PCNX3: variants seen among roughly 807,000 people sequenced by gnomAD.
The protein encoded by PCNX3 is pecanex-like protein 3.
Under a neutral mutation model 207.2 loss-of-function variants are expected in PCNX3, and 58 were observed. That is an observed-to-expected ratio of 0.28 (90% CI 0.23 to 0.35). PCNX3 has a LOEUF of 0.35. Ranked by LOEUF, PCNX3 falls within the 10% of genes least tolerant of loss-of-function variation. The probability of loss-of-function intolerance (pLI) is 1.00; values close to 1 mark genes in which losing one functional copy is unlikely to be tolerated. For synonymous variants in PCNX3, 1,337 were observed against 1,183.5 expected (o/e 1.13, Z -2.66); for missense variants, 2,410 against 2,774.4 (o/e 0.87, Z 2.95).
intron 29 of PCNX3, 110 bp from the exon 30 acceptor site, chr11:65,634,863 G>A (rs1855763242): frequency 1.4e-6 from 2 of 1,414,246 alleles, no homozygotes; most frequent in African/African-American, 1.4e-5. Context: ...TGTCAAGATG[G>A]GGAAACTGAG....
chr11:65,616,727 T>C, intron 1 of PCNX3, 97 bp from the exon 2 acceptor site: 1 of 1,373,252 alleles, frequency 7.3e-7, no homozygotes, highest in Non-Finnish European at 1.0e-6. Flanking sequence ...TGAAATTTTC[T>C]TGTGAGTCTG....
intron 22 of PCNX3, 142 bp from the exon 23 acceptor site, chr11:65,628,453 C>T: frequency 1.3e-6 from 1 of 741,622 alleles, no homozygotes; most frequent in Non-Finnish European, 2.2e-6. Context: ...GTCCAGAGCA[C>T]AAGGGCTGGC....
intron 1 of PCNX3, 49 bp from the exon 2 acceptor site, chr11:65,616,775 G>A (rs776301825): frequency 1.9e-6 from 3 of 1,574,136 alleles, no homozygotes; most frequent in African/African-American, 1.3e-5. Context: ...GGTACATCCT[G>A]TGGGGGCGAG....
chr11:65,637,371 TC>T lies in PCNX3; in HGVS notation c.*394del, dbSNP rs1486979904. 3.8e-5 allele frequency: 7 copies of T among 186,038 alleles called. No homozygotes were observed. The highest frequency in any genetic ancestry group is 1.0e-4 in the African/African-American group (4 of 38,934). The allele number at this position is 186,038 out of a possible 1,614,324, so 11.5% of individuals were successfully genotyped here. On this transcript the variant is annotated 3_prime_UTR_variant, in exon 35 of 35. Transcript: ENST00000355703. ...GGTGGTTTCTTTCTTTCCTTTTTTTTCTTTTCTTTTTTTTTTTTTTTTTTGT... is the reference window on the plus strand; with the variant it reads ...GGTGGTTTCTTTCTTTCCTTTTTTTTTTTTCTTTTTTTTTTTTTTTTTTGT...
Position 65,636,645 on chromosome 11 carries a change from G to A in PCNX3, c.5848G>A (p.Glu1950Lys). The change falls in exon 34 of 35, where the codon GAG (glutamate) becomes AAG (lysine). Residue 1950 changes from glutamate to lysine, a missense_variant. Physicochemically the swap from Glu to Lys is moderately conservative, Grantham distance 56 (BLOSUM62 1). This residue lies in a region of PCNX3 where 278 missense variants were observed against 245.1 expected (regional missense o/e 1.13). Transcript: ENST00000355703. ...GAAGGGGCTGGGAGGATCTGACGGG[G>A]AGCCAGCCTCAGGGAGCCCCAAAGG... is the stretch of plus-strand genomic sequence containing the variant. ...GRKGLGGSDGEPASGSPKGGT... is the reference protein window; with the variant it reads ...GRKGLGGSDGKPASGSPKGGT... The A allele has an allele frequency of 6.3e-7, 1 of 1,585,804 alleles. No homozygotes were observed. Among genetic ancestry groups the A allele is most frequent in the Non-Finnish European group, 8.6e-7 (1 of 1,168,566 alleles).
At position 65,625,222 on chromosome 11, in the gene PCNX3, C is replaced by G. The variant is rs375774400; in HGVS notation, c.2971C>G (p.Leu991Val). ...VPVLFSVFCG[L>V]LVALSYHLSR... The stretch of plus-strand genomic sequence containing the variant: ...TGTCCTCTTCTCAGTCTTCTGTGGC[C>G]TCCTGGTGGCACTGTCCTACCACCT... Residue 991 changes from leucine (L) to valine (V), a missense_variant, in exon 17 of 35, where the codon CTC becomes GTC. Leu to Val is a conservative substitution (Grantham distance 32). Around this residue, in one of 8 missense-constraint regions of PCNX3, gnomAD observed 333 missense variants for 386.8 expected, o/e 0.86. Coordinates refer to ENST00000355703, the MANE Select transcript of PCNX3 (RefSeq NM_032223.4). This position sits in a 1 kb window ranked among gnomAD's most constrained non-coding sequence, Gnocchi z 5.6. The G allele has an allele frequency of 6.2e-7, 1 of 1,611,220 alleles. No homozygotes were observed. Among genetic ancestry groups the G allele is most frequent in the Non-Finnish European group, 8.5e-7 (1 of 1,179,704 alleles).
Position 65,630,553 on chromosome 11 carries a change from C to G in PCNX3, c.4419C>G (p.Ser1473=). 1.2e-6 allele frequency: 2 copies of G among 1,613,430 alleles called. No individual in the cohort carries two copies. The highest frequency in any genetic ancestry group is 1.7e-6 in the Non-Finnish European group (2 of 1,179,718). The stretch of plus-strand genomic sequence containing the variant: ...GCATTAGTGACAATAATGCTGCCTC[C>G]ATGCTGCAGGTTTTCGACCTCCGCA... ...GYSISDNNAA[S]MLQVFDLRKI... The change falls in exon 27 of 35, where the codon TCC becomes TCG. Residue 1473 remains serine, a synonymous_variant. Coordinates refer to ENST00000355703, the MANE Select transcript of PCNX3 (RefSeq NM_032223.4).
In PCNX3 at chr11:65,618,349, G is replaced by T. The variant is rs200053634; in HGVS notation, c.987G>T (p.Gly329=). Residue 329 remains glycine, a synonymous_variant, in exon 6 of 35, where the codon GGG becomes GGT. Transcript: ENST00000355703. ...CCCATCTGGACAGCCCCCCAGGGGG[G>T]CCAGCCCCTGAGGGCAGCGACACAG... ...NSTHLDSPPG[G]PAPEGSDTDP... is the part of the protein sequence containing the mutation. 2 of 1,611,908 alleles carry T rather than the reference G, an allele frequency of 1.2e-6. No individual in the cohort carries two copies. Among genetic ancestry groups the T allele is most frequent in the Non-Finnish European group, 1.7e-6 (2 of 1,179,396 alleles).
chr11:65,626,457 C>T, intron 20 of PCNX3: 1 of 396,020 alleles, frequency 2.5e-6, no homozygotes, highest in South Asian at 2.1e-5. Context: ...ATTTTAGCAT[C>T]TCGATTTGAG....
Position 65,619,888 on chromosome 11 carries a change from A to T in PCNX3, c.1964A>T (p.Asp655Val). ...GANVHEACTF[D>V]DTSEGAVHYF... ...AATGTGCATGAGGCCTGCACCTTTG[A>T]TGACACTTCTGAGGGTGCTGTGCAC... The change falls in exon 8 of 35, where the codon GAT (aspartate) becomes GTT (valine). Residue 655 changes from aspartate to valine, a missense_variant. This residue lies in a region of PCNX3 where 1,104 missense variants were observed against 970.3 expected (regional missense o/e 1.14). Transcript: ENST00000355703. The T allele has an allele frequency of 6.2e-7, 1 of 1,611,860 alleles. No individual in the cohort carries two copies. The highest frequency in any genetic ancestry group is 8.5e-7 in the Non-Finnish European group (1 of 1,179,516).
intron 10 of PCNX3, 60 bp from the exon 11 acceptor site, chr11:65,622,185 C>A: frequency 6.5e-7 from 1 of 1,545,092 alleles, no homozygotes. Flanking sequence ...GGGCTGACGG[C>A]CGCGGCTGTG....
intron 5 of PCNX3, 63 bp downstream of exon 5, chr11:65,617,769 C>T: frequency 2.0e-6 from 3 of 1,532,086 alleles, no homozygotes; most frequent in Admixed American, 2.0e-5. Context: ...GTTGAATCCC[C>T]TCAACTTTGG....
intron 26 of PCNX3, 44 bp from the exon 27 acceptor site, chr11:65,630,307 G>C: frequency 6.3e-7 from 1 of 1,596,242 alleles, no homozygotes; most frequent in Non-Finnish European, 8.5e-7. Context: ...AGGGCAGGTA[G>C]GGATTGTTCT....
In PCNX3 at chr11:65,626,068, C is replaced by T. The variant is rs776797466; in HGVS notation, c.3379+14C>T. ...ATGAAGTGCGCGGTGAGTGCCCACC[C>T]CTGATGGCCAGGCCTGGGCAGTGGC... is the stretch of plus-strand genomic sequence containing the variant. On this transcript the variant is annotated intron_variant, in intron 20 of 34. Transcript: ENST00000355703. The T allele has an allele frequency of 3.8e-6, 6 of 1,589,686 alleles. No homozygotes were observed. In the South Asian group the frequency reaches 5.7e-5, roughly 15 times the overall value.
At position 65,616,682 on chromosome 11, in the gene PCNX3, G is replaced by C. The variant is rs570791676; in HGVS notation, c.154-142G>C. 3.1e-5 allele frequency: 32 copies of C among 1,029,678 alleles called. 1 individual carries two copies. The South Asian group carries it at 4.6e-4, about 15-fold the overall frequency. The allele number at this position is 1,029,678 out of a possible 1,614,324, so 63.8% of individuals were successfully genotyped here. A position where few individuals can be genotyped will look rare whatever the true frequency, so the allele number is the denominator to read the frequency against. On this transcript the variant is annotated intron_variant, in intron 1 of 34. Coordinates refer to ENST00000355703, the MANE Select transcript of PCNX3 (RefSeq NM_032223.4). ...AGCTAAGCAGAATACAGAGCCCTTT[G>C]TCGAGGTCTGTGTACTGGTTGTGTG...
At position 65,615,853 on chromosome 11, in the gene PCNX3, G is replaced by GC. The variant is rs1351784285; in HGVS notation, c.-458dup. The GC allele has an allele frequency of 6.6e-6, 1 of 152,578 alleles. No individual in the cohort carries two copies. The highest frequency in any genetic ancestry group is 1.9e-4 in the East Asian group (1 of 5,172). The allele number at this position is 152,578 out of a possible 1,614,324, so 9.5% of individuals were successfully genotyped here. On this transcript the variant is annotated 5_prime_UTR_variant, in exon 1 of 35. Transcript: ENST00000355703. ...TTAGGCCGGCACCAGCAGAAGCCGG[G>GC]CGAGCGCGGAGCCCCAAGCAAGTGA...
intron 20 of PCNX3, 129 bp from the exon 21 acceptor site, chr11:65,626,775 A>T: frequency 1.4e-6 from 2 of 1,380,324 alleles, no homozygotes; most frequent in Non-Finnish European, 2.0e-6. Context: ...TTGAGCTGCC[A>T]CAGATCAGCC....
Position 65,618,380 on chromosome 11 carries a change from C to T in PCNX3, c.1018C>T (p.Pro340Ser), listed in dbSNP as rs774964134. The part of the protein sequence containing the change: ...PAPEGSDTDP[P>S]SEAELPASPD... ...CCCTGAGGGCAGCGACACAGACCCA[C>T]CCTCTGAGGCTGAGCTGCCTGCCTC... The change falls in exon 6 of 35, where the codon CCC (proline) becomes TCC (serine). Residue 340 changes from proline (P) to serine (S), a missense_variant. Pro to Ser is a moderately conservative substitution (Grantham distance 74, BLOSUM62 -1). Around this residue, in one of 8 missense-constraint regions of PCNX3, gnomAD observed 1,104 missense variants for 970.3 expected, o/e 1.14. Transcript: ENST00000355703. The T allele has an allele frequency of 6.2e-7, 1 of 1,612,778 alleles. No homozygotes were observed. The highest frequency in any genetic ancestry group is 2.2e-5 in the East Asian group (1 of 44,874).
Position 65,634,089 on chromosome 11 carries a change from C to T in PCNX3, c.4471-37C>T, listed in dbSNP as rs776266294. The T allele has an allele frequency of 1.2e-5, 19 of 1,574,210 alleles. No individual in the cohort carries two copies. In the Middle Eastern group the frequency reaches 5.0e-4, roughly 41 times the overall value. Reference sequence around the variant, plus strand: ...TGCTTTCTCCTCCAGTGGCCAGGGCCGGGACCCCGGCCTGACGCCTGCCCC... The same window carrying T: ...TGCTTTCTCCTCCAGTGGCCAGGGCTGGGACCCCGGCCTGACGCCTGCCCC... On this transcript the variant is annotated intron_variant, in intron 27 of 34. Coordinates refer to ENST00000355703, the MANE Select transcript of PCNX3 (RefSeq NM_032223.4).
Sources: gnomAD v4.1 joint callset for allele counts on GRCh38, gnomAD v4.1.1 for gene constraint, gnomAD v4.1.1 regional missense constraint, Gnocchi (gnomAD v3.1) non-coding constraint, MANE v1.5 for transcripts, NCBI Gene and HGNC (gene_info 2026-07-23, HGNC 2026-07-21) for gene names.